FGF10: variants seen among roughly 807,000 people sequenced by gnomAD.
FGF10 encodes the protein FGF-10.
FGF10 carries 2 observed loss-of-function variants against 19.8 expected under a neutral mutation model. The observed-to-expected ratio is 0.10, with a 90% CI of 0.04 to 0.32. FGF10 has a LOEUF of 0.32. Among genes scored for constraint, FGF10 ranks in the 10% least tolerant of loss-of-function variants. FGF10 has a pLI of 1.00. For synonymous variants in FGF10, 112 were observed against 94.0 expected, an observed-to-expected ratio of 1.19 and a Z score of -1.10; for missense variants, 191 against 246.3, an observed-to-expected ratio of 0.78 and a Z score of 1.50.
At chr5:44,373,212 C>A (rs1261477306) in intron 1 of FGF10, among the ~76,000 whole-genome samples, 2 of 152,138 alleles carry the variant, frequency 1.3e-5, no homozygotes, top group Non-Finnish European at 2.9e-5. Flanking sequence ...CATCTCTATT[C>A]CTGACTTCTG....
At chr5:44,344,603 T>TGTGTGTGTGTGTGTG (rs58735673) in intron 1 of FGF10, among the ~76,000 whole-genome samples, 43 of 149,308 alleles carry the variant, frequency 2.9e-4, no homozygotes, top group East Asian at 5.9e-4. Flanking sequence ...TGTGTGTGTG[T>TGTGTGTGTGTGTGTG]TAAACCAACT....
intron 1 of FGF10, among the ~76,000 whole-genome samples, chr5:44,351,396 T>A (rs1741229368): frequency 6.6e-6 from 1 of 151,620 alleles, no homozygotes; most frequent in African/African-American, 2.4e-5. Context: ...ATGTCCTATA[T>A]CAATAACAGA....
intron 1 of FGF10, among the ~76,000 whole-genome samples, chr5:44,352,764 G>C (rs1190217599): frequency 2.0e-5 from 3 of 151,514 alleles, no homozygotes; most frequent in Non-Finnish European, 4.4e-5. Flanking sequence ...GTGCTCCCAG[G>C]ATTCCCTCTG....
intron 1 of FGF10, among the ~76,000 whole-genome samples, chr5:44,317,418 A>G (rs1463214393): frequency 6.6e-6 from 1 of 152,192 alleles, no homozygotes; most frequent in Non-Finnish European, 1.5e-5. Context: ...TGATGAGTAC[A>G]GTGGCAGATC....
At chr5:44,383,859 C>G (rs1213243579) in intron 1 of FGF10, among the ~76,000 whole-genome samples, 3 of 152,052 alleles carry the variant, frequency 2.0e-5, no homozygotes, top group African/African-American at 7.2e-5. Flanking sequence ...TTTTTCTTCA[C>G]AGAAAACTCT....
intron 1 of FGF10, among the ~76,000 whole-genome samples, chr5:44,320,223 A>G (rs1037826026): frequency 5.9e-5 from 9 of 152,194 alleles, no homozygotes; most frequent in Non-Finnish European, 1.3e-4. Context: ...TCAGTTGCTT[A>G]CAGACTCATA....
At chr5:44,381,745 A>G (rs1741987124) in intron 1 of FGF10, among the ~76,000 whole-genome samples, 2 of 152,192 alleles carry the variant, frequency 1.3e-5, no homozygotes, top group African/African-American at 4.8e-5. Context: ...GAAAAGTAAT[A>G]ATAATTACAG....
intron 1 of FGF10, among the ~76,000 whole-genome samples, chr5:44,322,463 G>C (rs945007751): frequency 6.6e-6 from 1 of 152,132 alleles, no homozygotes; most frequent in Non-Finnish European, 1.5e-5. Flanking sequence ...AAAAGCATTT[G>C]AGTATTACTC....
chr5:44,327,071 A>C (rs1008215265), intron 1 of FGF10, among the ~76,000 whole-genome samples: 20 of 152,082 alleles, frequency 1.3e-4, no homozygotes, highest in African/African-American at 4.6e-4. Flanking sequence ...AGCACTCCCC[A>C]CCCACTGCCC....
intron 2 of FGF10, 95 bp from the exon 3 acceptor site, chr5:44,305,287 G>T: frequency 9.0e-7 from 1 of 1,108,288 alleles, no homozygotes; most frequent in Non-Finnish European, 1.4e-6. Context: ...CAAGGATTCT[G>T]TTTGTAGTTG....
chr5:44,341,251 C>A (rs1351679873), intron 1 of FGF10, among the ~76,000 whole-genome samples: 1 of 151,708 alleles, frequency 6.6e-6, no homozygotes, highest in African/African-American at 2.4e-5. Context: ...TTGAACATGT[C>A]TTTTTGAAAA....
At chr5:44,330,610 T>C (rs1173993255) in intron 1 of FGF10, among the ~76,000 whole-genome samples, 1 of 152,198 alleles carries the variant, frequency 6.6e-6, no homozygotes, top group Non-Finnish European at 1.5e-5. Context: ...ACAGAGGATA[T>C]TCTCAGATGA....
rs1739980425 is a variant in FGF10 at position 44,302,275 on chromosome 5, T to TTTCTTTGC, written c.*2719_*2720insGCAAAGAA. 7.3e-5 allele frequency among the ~76,000 whole-genome samples: 10 copies of TTTCTTTGC among 136,350 alleles called. No individual in the cohort carries two copies. Among genetic ancestry groups the TTTCTTTGC allele is most frequent in the Admixed American group, 7.0e-4 (9 of 12,844 alleles). The allele number at this position is 136,350 out of a possible 152,430, so 89.5% of individuals were successfully genotyped here. A position where few individuals can be genotyped will look rare whatever the true frequency, so the allele number is the denominator to read the frequency against. ...CCTCCCTTCTTTCCTTCCTTCCTTCTTTCCTTGCTTCCTTCCTTCCTTCCT... is the reference window on the plus strand; with the variant it reads ...CCTCCCTTCTTTCCTTCCTTCCTTCTTTCTTTGCTTCCTTGCTTCCTTCCTTCCTTCCT... On this transcript the variant is annotated 3_prime_UTR_variant, in exon 3 of 3. Transcript: ENST00000264664.
intron 1 of FGF10, among the ~76,000 whole-genome samples, chr5:44,320,463 C>T (rs1475845924): frequency 6.6e-6 from 1 of 152,036 alleles, no homozygotes; most frequent in Non-Finnish European, 1.5e-5. Context: ...AGGGAAAGAC[C>T]CAGTGATGCA....
At chr5:44,325,896 A>ACTCTATATT (rs1740604584) in intron 1 of FGF10, among the ~76,000 whole-genome samples, 1 of 152,084 alleles carries the variant, frequency 6.6e-6, no homozygotes, top group Admixed American at 6.6e-5. Context: ...AAAAGAAAAG[A>ACTCTATATT]TATATTTGAA....
Position 44,342,208 on chromosome 5 carries a change from C to T in FGF10, c.326-31678G>A, listed in dbSNP as rs1243775713. Among the ~76,000 whole-genome samples, 4 of 151,966 alleles carry T rather than the reference C, an allele frequency of 2.6e-5. No individual in the cohort carries two copies. The East Asian group carries it at 5.8e-4, about 22-fold the overall frequency. On this transcript the variant is annotated intron_variant, in intron 1 of 2. Transcript: ENST00000264664. ...ATTTGATCTTCATGAGTATCACAAA[C>T]AAATCAATGCACACTTATGAAGTAG...
chr5:44,305,667 C>CACATTCAT (rs1329420576), intron 2 of FGF10, among the ~76,000 whole-genome samples: 6 of 152,068 alleles, frequency 3.9e-5, no homozygotes, highest in Non-Finnish European at 8.8e-5. Context: ...AATACACACA[C>CACATTCAT]ACATTCATAA....
At chr5:44,368,887 C>T (rs1419673572) in intron 1 of FGF10, among the ~76,000 whole-genome samples, 1 of 152,022 alleles carries the variant, frequency 6.6e-6, no homozygotes, top group African/African-American at 2.4e-5. Context: ...AGACTGATCT[C>T]AAATTCCTGG....
At chr5:44,346,708 C>T (rs61541814) in intron 1 of FGF10, among the ~76,000 whole-genome samples, 2,128 of 151,916 alleles carry the variant, frequency 0.014, 51 homozygotes, top group African/African-American at 0.047. Context: ...TACAAATAAT[C>T]GGTCTCAAAG....
Sources: gnomAD v4.1 joint callset for allele counts (sites outside exome capture counted in the v4.1 genomes callset) on GRCh38, gnomAD v4.1.1 for gene constraint, MANE v1.5 for transcripts, NCBI Gene and HGNC (gene_info 2026-07-23, HGNC 2026-07-21) for gene names.